Variants in VPS8 observed in about 807,000 individuals in gnomAD.
VPS8 encodes VPS8 subunit of CORVET complex.
In VPS8, 129 loss-of-function variants were observed where a neutral mutation model predicts 216.4. The ratio of observed to expected loss-of-function variants is 0.60; its 90% confidence interval spans 0.52 to 0.69. VPS8 has a LOEUF of 0.69. Ranked by LOEUF, VPS8 falls within the 30% of genes least tolerant of loss-of-function variation. The pLI is 0.00. For synonymous variants in VPS8, 571 were observed against 565.4 expected (o/e 1.01, Z -0.14); for missense variants, 1,531 against 1,683.5 (o/e 0.91, Z 1.59).
rs1023242482 is a variant in VPS8, at chr3:185,052,399, G to T, written c.*374G>T. ...GGCATTCCAGAGTCTGCCATACTCC[G>T]TCTCCTCCAGCTGCTGGATAATACA... On this transcript the variant is annotated 3_prime_UTR_variant, in exon 48 of 48. Transcript: ENST00000625842. 16 of 182,116 alleles carry T rather than the reference G, an allele frequency of 8.8e-5. No individual in the cohort carries two copies. The highest frequency in any genetic ancestry group is 3.3e-4 in the African/African-American group (14 of 41,896). The allele number at this position is 182,116 out of a possible 1,614,324, so 11.3% of individuals were successfully genotyped here. A position where few individuals can be genotyped will look rare whatever the true frequency, so the allele number is the denominator to read the frequency against.
intron 8 of VPS8, among the ~76,000 whole-genome samples, chr3:184,845,372 C>T (rs2108623673): frequency 6.6e-6 from 1 of 152,262 alleles, no homozygotes; most frequent in East Asian, 1.9e-4. Context: ...AATAAGACTG[C>T]TTTCTTCTTT....
Position 184,931,096 on chromosome 3 carries a change from A to G in VPS8, c.2898+528A>G, listed in dbSNP as rs146349059. ...GTTCCTATTAAGAAACAATGCTTCTAGATATACAAATAGACTACTTGCGTG... is the reference window on the plus strand; with the variant it reads ...GTTCCTATTAAGAAACAATGCTTCTGGATATACAAATAGACTACTTGCGTG... On this transcript the variant is annotated intron_variant, in intron 34 of 47. Coordinates refer to ENST00000625842, the MANE Select transcript of VPS8 (RefSeq NM_001009921.3). Among the ~76,000 whole-genome samples, 8 of 152,314 alleles carry G rather than the reference A, an allele frequency of 5.3e-5. No homozygotes were observed. In the East Asian group the frequency reaches 5.8e-4, roughly 11 times the overall value.
intron 46 of VPS8, 32 bp downstream of exon 46, chr3:185,024,421 C>A: frequency 1.3e-6 from 2 of 1,565,426 alleles, no homozygotes; most frequent in Admixed American, 1.9e-5. Flanking sequence ...AAAACCAGTT[C>A]TTCCTTCTGT....
chr3:184,900,808 A>G (rs1578152098), intron 24 of VPS8, 113 bp from the exon 25 acceptor site: 3 of 875,688 alleles, frequency 3.4e-6, no homozygotes, highest in Non-Finnish European at 3.5e-6. Flanking sequence ...TTTAATCTTA[A>G]TGGTAAATGA....
chr3:184,956,278 C>G (rs1054935796), intron 36 of VPS8, among the ~76,000 whole-genome samples: 2 of 152,172 alleles, frequency 1.3e-5, no homozygotes, highest in African/African-American at 2.4e-5. Flanking sequence ...TATTGATGTA[C>G]TGTACATGGT....
intron 45 of VPS8, among the ~76,000 whole-genome samples, chr3:185,013,972 G>A (rs1755413177): frequency 6.6e-6 from 1 of 152,204 alleles, no homozygotes; most frequent in African/African-American, 2.4e-5. Flanking sequence ...GACCAGTCCT[G>A]TTTACAAATA....
At chr3:184,955,153 T>G (rs1261823693) in intron 36 of VPS8, among the ~76,000 whole-genome samples, 1 of 152,146 alleles carries the variant, frequency 6.6e-6, no homozygotes, top group Non-Finnish European at 1.5e-5. Context: ...CTCCACCAGC[T>G]TCTTGTGGAA....
At chr3:184,997,692 GA>G (rs1752799104) in intron 44 of VPS8, among the ~76,000 whole-genome samples, 2 of 152,128 alleles carry the variant, frequency 1.3e-5, no homozygotes, top group South Asian at 2.1e-4. Context: ...TACCATGGGG[GA>G]AAAAATGTTA....
intron 46 of VPS8, among the ~76,000 whole-genome samples, chr3:185,031,761 C>T (rs1317179917): frequency 2.6e-5 from 4 of 152,124 alleles, no homozygotes; most frequent in Non-Finnish European, 5.9e-5. Flanking sequence ...GGTGTTTGGT[C>T]GGTGACAGAA....
intron 21 of VPS8, among the ~76,000 whole-genome samples, chr3:184,883,515 CCT>C (rs1730636342): frequency 6.6e-6 from 1 of 152,150 alleles, no homozygotes; most frequent in Admixed American, 6.5e-5. Flanking sequence ...ATTATAGACT[CCT>C]CTCAATGCCT....
chr3:184,996,543 A>G, intron 44 of VPS8, 42 bp downstream of exon 44: 1 of 1,527,284 alleles, frequency 6.5e-7, no homozygotes, highest in Non-Finnish European at 8.9e-7. Context: ...GTACATGTAC[A>G]TCTGTGGCAT....
chr3:184,991,683 G>T (rs973016681), intron 42 of VPS8, among the ~76,000 whole-genome samples: 3 of 152,036 alleles, frequency 2.0e-5, no homozygotes, highest in Non-Finnish European at 1.5e-5. Context: ...TGTACCATCT[G>T]TTGATATTTG....
At chr3:184,846,032 A>G (rs1386969454) in intron 8 of VPS8, among the ~76,000 whole-genome samples, 1 of 152,128 alleles carries the variant, frequency 6.6e-6, no homozygotes, top group African/African-American at 2.4e-5. Flanking sequence ...CATTTTCTAC[A>G]TTTTACAGAT....
chr3:184,951,594 C>CT (rs1744713101), intron 36 of VPS8, among the ~76,000 whole-genome samples: 1 of 152,036 alleles, frequency 6.6e-6, no homozygotes, highest in Non-Finnish European at 1.5e-5. Context: ...TTTTCACAAT[C>CT]TGAGTAAGAG....
intron 46 of VPS8, among the ~76,000 whole-genome samples, chr3:185,028,745 C>T (rs1174534774): frequency 6.6e-6 from 1 of 152,208 alleles, no homozygotes; most frequent in African/African-American, 2.4e-5. Context: ...TAGTCCCTAC[C>T]AATACCTGGG....
intron 17 of VPS8, among the ~76,000 whole-genome samples, chr3:184,867,567 C>T (rs1412114177): frequency 6.6e-6 from 1 of 152,146 alleles, no homozygotes; most frequent in East Asian, 1.9e-4. Flanking sequence ...AGTTCTAGGC[C>T]AGATGCGTTG....
intron 16 of VPS8, among the ~76,000 whole-genome samples, chr3:184,863,802 A>G (rs1245885588): frequency 6.6e-6 from 1 of 152,298 alleles, no homozygotes; most frequent in Non-Finnish European, 1.5e-5. Flanking sequence ...TGAAAAAAAT[A>G]GTAATGATGG....
At chr3:184,978,364 C>T (rs929576171) in intron 40 of VPS8, among the ~76,000 whole-genome samples, 20 of 151,710 alleles carry the variant, frequency 1.3e-4, no homozygotes, top group African/African-American at 4.6e-4. Flanking sequence ...TCCTTCTGTC[C>T]GTCCATCCGT....
intron 1 of VPS8, among the ~76,000 whole-genome samples, chr3:184,818,852 A>G (rs771818038): frequency 6.6e-6 from 1 of 151,690 alleles, no homozygotes; most frequent in Non-Finnish European, 1.5e-5. Context: ...AACAGTTAGG[A>G]ATAAATGTTT....
Sources: gnomAD v4.1 joint callset for allele counts (sites outside exome capture counted in the v4.1 genomes callset) on GRCh38, gnomAD v4.1.1 for gene constraint, MANE v1.5 for transcripts, NCBI Gene and HGNC (gene_info 2026-07-23, HGNC 2026-07-21) for gene names.